Variants in TAFA5 observed in about 807,000 individuals in gnomAD.
TAFA5 encodes the protein chemokine-like protein TAFA-5.
TAFA5 carries 6 observed loss-of-function variants against 15.3 expected under a neutral mutation model. That is an observed-to-expected ratio of 0.39 (90% CI 0.21 to 0.77). The LOEUF (loss-of-function observed/expected upper bound fraction) is 0.77, where lower values mean the gene tolerates loss of function less well. Ranked by LOEUF, TAFA5 falls within the 30% of genes least tolerant of loss-of-function variation. The pLI, the probability that TAFA5 is intolerant of heterozygous loss-of-function variation, is 0.41. For missense variants in TAFA5, 161 were observed against 193.1 expected, an observed-to-expected ratio of 0.83 and a Z score of 0.98; for synonymous variants, 103 against 80.7, an observed-to-expected ratio of 1.28 and a Z score of -1.48.
intron 1 of TAFA5, among the ~76,000 whole-genome samples, chr22:48,608,592 G>A (rs1357431350): frequency 6.6e-6 from 1 of 152,220 alleles, no homozygotes; most frequent in East Asian, 1.9e-4. Context: ...CGTTTCCTGA[G>A]TTGGTCACAT....
At chr22:48,519,844 C>T (rs1361075444) in intron 1 of TAFA5, among the ~76,000 whole-genome samples, 1 of 152,184 alleles carries the variant, frequency 6.6e-6, no homozygotes, top group Non-Finnish European at 1.5e-5. Context: ...CCTCTCTGTG[C>T]CATGGAAACA....
At position 48,658,545 on chromosome 22, in the gene TAFA5, G is replaced by A. The variant is rs75017129; in HGVS notation, c.262+11799G>A. 6.4e-4 allele frequency among the ~76,000 whole-genome samples: 97 copies of A among 152,316 alleles called. 2 individuals are homozygous for A. In the East Asian group the frequency reaches 0.019, roughly 29 times the overall value. On this transcript the variant is annotated intron_variant, in intron 2 of 3. Transcript: ENST00000402357. ...CGGCCGGCAGGTTCAGGGCTGGCCT[G>A]TCCCAGCTCCTTCCTGAAGGTTATA...
rs557911719 is a variant in TAFA5 at position 48,598,426 on chromosome 22, G to C, written c.113-48171G>C. ...GTGGTGAGGGGCTGGCGCTGTGATC[G>C]TGCTTAGTGTTTATGGCGTGGGGCT... On this transcript the variant is annotated intron_variant, in intron 1 of 3. Transcript: ENST00000402357. This position sits in a 1 kb window ranked among gnomAD's most constrained non-coding sequence, Gnocchi z 4.0. Among the ~76,000 whole-genome samples, 1 of 152,148 alleles carries C rather than the reference G, an allele frequency of 6.6e-6. No individual in the cohort carries two copies. The highest frequency in any genetic ancestry group is 1.5e-5 in the Non-Finnish European group (1 of 68,022).
At chr22:48,700,124 T>G (rs1380094336) in intron 2 of TAFA5, among the ~76,000 whole-genome samples, 1 of 152,190 alleles carries the variant, frequency 6.6e-6, no homozygotes. Context: ...CAGATCACAC[T>G]TAAGACTGTG....
intron 1 of TAFA5, among the ~76,000 whole-genome samples, chr22:48,620,855 A>T (rs1170767887): frequency 1.9e-4 from 2 of 10,566 alleles, no homozygotes; most frequent in Non-Finnish European, 4.2e-4. Flanking sequence ...CCATCCACCC[A>T]CCCAACCACC....
intron 2 of TAFA5, among the ~76,000 whole-genome samples, chr22:48,661,146 C>G (rs1424997446): frequency 1.3e-5 from 2 of 152,180 alleles, no homozygotes; most frequent in Non-Finnish European, 2.9e-5. Context: ...CGTCTGGACC[C>G]CTGTGTAGTC....
intron 1 of TAFA5, among the ~76,000 whole-genome samples, chr22:48,621,437 T>C (rs1925834637): frequency 6.6e-6 from 1 of 151,996 alleles, no homozygotes; most frequent in Non-Finnish European, 1.5e-5. Flanking sequence ...CAGGGCAGCA[T>C]GGCACAGGAA....
chr22:48,664,964 G>A (rs1482670640), intron 2 of TAFA5, among the ~76,000 whole-genome samples: 1 of 152,178 alleles, frequency 6.6e-6, no homozygotes, highest in Non-Finnish European at 1.5e-5. Flanking sequence ...GCCTTGGAGT[G>A]GCAGGGCTGT....
At chr22:48,745,812 A>C (rs1174159721) in intron 3 of TAFA5, among the ~76,000 whole-genome samples, 1 of 152,150 alleles carries the variant, frequency 6.6e-6, no homozygotes, top group East Asian at 1.9e-4. Flanking sequence ...CCCTGGTCCC[A>C]CAGGCTGGAG....
At chr22:48,576,239 CCCCGCCCCCG>C (rs1051589050) in intron 1 of TAFA5, 2 of 419,448 alleles carry the variant, frequency 4.8e-6, no homozygotes, top group East Asian at 5.0e-5. Context: ...CTGCTAACCT[CCCCGCCCCCG>C]CCCGCCCCCT....
intron 3 of TAFA5, among the ~76,000 whole-genome samples, chr22:48,736,660 A>C: frequency 6.6e-6 from 1 of 152,260 alleles, no homozygotes; most frequent in Non-Finnish European, 1.5e-5. Context: ...CAGCCTTAAA[A>C]AGGAATGGCA....
intron 1 of TAFA5, among the ~76,000 whole-genome samples, chr22:48,517,767 C>T (rs753403430): frequency 4.6e-5 from 7 of 152,106 alleles, no homozygotes; most frequent in Non-Finnish European, 5.9e-5. Flanking sequence ...GCCTGCTTCC[C>T]GGGGCCACCT....
rs1920966185 is a variant in TAFA5 at position 48,503,544 on chromosome 22, G to T, written c.112+13840G>T. ...GGACAGTGGAAGCCGGTAGCCAAAG[G>T]CTTCCCAGTCTGTCTCAGCACTTTC... On this transcript the variant is annotated intron_variant, in intron 1 of 3. Transcript: ENST00000402357. 2.0e-5 allele frequency among the ~76,000 whole-genome samples: 3 copies of T among 152,236 alleles called. No homozygotes were observed. The South Asian group carries it at 6.2e-4, about 32-fold the overall frequency.
At chr22:48,577,802 A>T (rs1386665820) in intron 1 of TAFA5, among the ~76,000 whole-genome samples, 10 of 152,082 alleles carry the variant, frequency 6.6e-5, no homozygotes. Flanking sequence ...CTACCCCAGG[A>T]CTCTGCTGCG....
intron 1 of TAFA5, among the ~76,000 whole-genome samples, chr22:48,518,616 G>A (rs578085516): frequency 1.3e-5 from 2 of 152,212 alleles, no homozygotes; most frequent in Admixed American, 1.3e-4. Context: ...CCTCCAGCCT[G>A]GGAGGCGGAC....
intron 1 of TAFA5, among the ~76,000 whole-genome samples, chr22:48,502,717 T>G (rs1920959668): frequency 6.6e-6 from 1 of 152,114 alleles, no homozygotes; most frequent in Non-Finnish European, 1.5e-5. Flanking sequence ...AGACGTGGTT[T>G]TGCCATGTTG....
At chr22:48,562,501 C>A (rs1038143688) in intron 1 of TAFA5, among the ~76,000 whole-genome samples, 4 of 151,954 alleles carry the variant, frequency 2.6e-5, no homozygotes, top group Admixed American at 2.6e-4. Context: ...TAGTGTGGAC[C>A]TTACAAGGCC....
At chr22:48,540,395 G>A (rs1396303840) in intron 1 of TAFA5, among the ~76,000 whole-genome samples, 1 of 152,052 alleles carries the variant, frequency 6.6e-6, no homozygotes, top group Non-Finnish European at 1.5e-5. Context: ...ATCCCTCTCC[G>A]AGGCCACTTG....
intron 2 of TAFA5, among the ~76,000 whole-genome samples, chr22:48,664,526 C>T (rs867527957): frequency 2.0e-5 from 3 of 152,140 alleles, no homozygotes; most frequent in Non-Finnish European, 4.4e-5. Flanking sequence ...TAAAGTGTAA[C>T]TTAAAAAAAT....
Sources: gnomAD v4.1 joint callset for allele counts (sites outside exome capture counted in the v4.1 genomes callset) on GRCh38, gnomAD v4.1.1 for gene constraint, Gnocchi (gnomAD v3.1) non-coding constraint, MANE v1.5 for transcripts, NCBI Gene and HGNC (gene_info 2026-07-23, HGNC 2026-07-21) for gene names.